Variants in TMPRSS15 observed in about 807,000 individuals in gnomAD.
The protein encoded by TMPRSS15 is enteropeptidase.
In TMPRSS15, 128 loss-of-function variants were observed where a neutral mutation model predicts 125.3. The observed-to-expected ratio is 1.02, with a 90% confidence interval of 0.89 to 1.18. The LOEUF (loss-of-function observed/expected upper bound fraction) is 1.18, where lower values mean the gene tolerates loss of function less well. Ranked by LOEUF, TMPRSS15 falls within the 50% of genes most tolerant of loss-of-function variation. The pLI is 0.00. For synonymous variants in TMPRSS15, 446 were observed against 423.2 expected, an observed-to-expected ratio of 1.05 and a Z score of -0.66; for missense variants, 1,283 against 1,212.7, an observed-to-expected ratio of 1.06 and a Z score of -0.86.
chr21:18,353,781 T>C lies in TMPRSS15; in HGVS notation c.963A>G (p.Glu321=). ...TTGCATTAAAGCCAACATAATCACT[T>C]TCATCAGATTCTATAAGAAAGGTGG... ...VTATFLIESD[E]SDYVGFNATY... The change falls in exon 9 of 25, where the codon GAA becomes GAG. Residue 321 remains glutamate (E), a synonymous_variant. Transcript: ENST00000284885. 6.2e-7 allele frequency: 1 copy of C among 1,611,904 alleles called. No homozygotes were observed. Among genetic ancestry groups the C allele is most frequent in the Non-Finnish European group, 8.5e-7 (1 of 1,178,500 alleles).
chr21:18,444,060 G>A (rs1418011711), intron 1 of TMPRSS15, among the ~76,000 whole-genome samples: 1 of 152,046 alleles, frequency 6.6e-6, no homozygotes, highest in African/African-American at 2.4e-5. Flanking sequence ...GGCAGGGTGG[G>A]TGAATCCACT....
rs1361139098 is a variant in TMPRSS15, at chr21:18,270,275, C to T, written c.2905-151G>A. On this transcript the variant is annotated intron_variant, in intron 24 of 24. Transcript: ENST00000284885. ...ATCTGTATATATTCTCACTTTCACT[C>T]TAAGTCAGGAATGAGAACCTCAGTA... 6.4e-6 allele frequency: 4 copies of T among 627,648 alleles called. No homozygotes were observed. The African/African-American group carries it at 7.4e-5, about 12-fold the overall frequency. 38.9% of individuals were successfully genotyped at this position (627,648 alleles called of 1,614,324 possible).
chr21:18,372,707 A>G (rs1284643749), intron 5 of TMPRSS15, among the ~76,000 whole-genome samples: 2 of 152,246 alleles, frequency 1.3e-5, no homozygotes, highest in African/African-American at 4.8e-5. Flanking sequence ...TGAACAATGA[A>G]GAAACCTAAT....
Position 18,310,635 on chromosome 21 carries a change from A to G in TMPRSS15, c.2165+2310T>C, listed in dbSNP as rs567495447. On this transcript the variant is annotated intron_variant, in intron 18 of 24. Coordinates refer to ENST00000284885, the MANE Select transcript of TMPRSS15 (RefSeq NM_002772.3). Reference sequence around the variant, plus strand: ...ATTGTTAAAATAACAATACTACCCAATCCCTATTTAATGATAGGGATTTAA... The same window carrying G: ...ATTGTTAAAATAACAATACTACCCAGTCCCTATTTAATGATAGGGATTTAA... Among the ~76,000 whole-genome samples, 4 of 152,184 alleles carry G rather than the reference A, an allele frequency of 2.6e-5. No homozygotes were observed. The South Asian group carries it at 6.2e-4, about 24-fold the overall frequency.
At chr21:18,350,748 T>TTA (rs1288912866) in intron 10 of TMPRSS15, among the ~76,000 whole-genome samples, 1 of 151,562 alleles carries the variant, frequency 6.6e-6, no homozygotes, top group African/African-American at 2.4e-5. Context: ...GAACAATTAA[T>TTA]TATATATATA....
At position 18,393,701 on chromosome 21, in the gene TMPRSS15, C is replaced by T. The variant is rs147259299; in HGVS notation, c.344+4178G>A. On this transcript the variant is annotated intron_variant, in intron 3 of 24. Coordinates refer to ENST00000284885, the MANE Select transcript of TMPRSS15 (RefSeq NM_002772.3). ...CCCCAACAATATTTTAAATTCCTCACAGCAGAGATTTTATACCTTAATCAT... is the reference window on the plus strand; with the variant it reads ...CCCCAACAATATTTTAAATTCCTCATAGCAGAGATTTTATACCTTAATCAT... 2.0e-3 allele frequency among the ~76,000 whole-genome samples: 299 copies of T among 152,308 alleles called. 1 individual carries two copies. The highest frequency in any genetic ancestry group is 6.8e-3 in the African/African-American group (284 of 41,572).
chr21:18,361,718 G>T (rs2075681239), intron 7 of TMPRSS15, among the ~76,000 whole-genome samples: 3 of 152,140 alleles, frequency 2.0e-5, no homozygotes. Flanking sequence ...GGCCAGTGGG[G>T]TGGAGTTCAG....
At chr21:18,304,514 G>A (rs893204636) in intron 18 of TMPRSS15, among the ~76,000 whole-genome samples, 1 of 152,118 alleles carries the variant, frequency 6.6e-6, no homozygotes, top group Admixed American at 6.6e-5. Context: ...TAGGAGGTTG[G>A]TAGTTGGCAA....
At chr21:18,374,166 A>C in intron 5 of TMPRSS15, among the ~76,000 whole-genome samples, 1 of 152,182 alleles carries the variant, frequency 6.6e-6, no homozygotes, top group South Asian at 2.1e-4. Context: ...GAATGTATTT[A>C]GTGATGTGTG....
Position 18,353,003 on chromosome 21 carries a change from G to T in TMPRSS15, c.1071C>A (p.Val357=). 2 of 1,611,274 alleles carry T rather than the reference G, an allele frequency of 1.2e-6. No individual in the cohort carries two copies. Among genetic ancestry groups the T allele is most frequent in the Non-Finnish European group, 1.7e-6 (2 of 1,178,792 alleles). Residue 357 remains valine, a synonymous_variant, in exon 10 of 25, where the codon GTC becomes GTA. Transcript: ENST00000284885. Reference sequence around the variant, plus strand: ...ATTCATTATCATCATTTAGATCCTGGACCCAGAAACAAAAGCCATCCTCAA... The same window carrying T: ...ATTCATTATCATCATTTAGATCCTGTACCCAGAAACAAAAGCCATCCTCAA... ...CNFEDGFCFW[V]QDLNDDNEWE...
At chr21:18,448,071 TA>T in intron 1 of TMPRSS15, among the ~76,000 whole-genome samples, 1 of 152,102 alleles carries the variant, frequency 6.6e-6, no homozygotes, top group East Asian at 1.9e-4. Flanking sequence ...TTCAAAAAAT[TA>T]AAAATATAAA....
At chr21:18,351,425 C>T (rs78407761) in intron 10 of TMPRSS15, among the ~76,000 whole-genome samples, 17,397 of 152,164 alleles carry the variant, frequency 0.11, 1,163 homozygotes, top group South Asian at 0.18. Flanking sequence ...TCTACATAGT[C>T]CCCATGTGCT....
chr21:18,329,214 C>T lies in TMPRSS15; in HGVS notation c.1735G>A (p.Val579Ile). The T allele has an allele frequency of 6.2e-7, 1 of 1,612,608 alleles. No individual in the cohort carries two copies. The highest frequency in any genetic ancestry group is 8.5e-7 in the Non-Finnish European group (1 of 1,179,010). Reference protein sequence around the residue: ...QEFDLENINDVVEIRDGEEAD... With the variant: ...QEFDLENINDIVEIRDGEEAD... ...TCTTCACCATCTCTTATTTCAACTA[C>T]ATCGTTAATATTTTCTAAGTCAAAT... is the stretch of plus-strand genomic sequence containing the variant. Residue 579 changes from valine (V) to isoleucine (I), a missense_variant, in exon 15 of 25, where the codon GTA becomes ATA. Val to Ile is a conservative substitution (Grantham distance 29, BLOSUM62 3). Transcript: ENST00000284885.
At chr21:18,393,312 T>A (rs1481559027) in intron 3 of TMPRSS15, among the ~76,000 whole-genome samples, 2 of 152,096 alleles carry the variant, frequency 1.3e-5, no homozygotes, top group Non-Finnish European at 2.9e-5. Context: ...AATAATTTGG[T>A]GATAATAATA....
intron 1 of TMPRSS15, among the ~76,000 whole-genome samples, chr21:18,468,790 T>C (rs1481310366): frequency 6.6e-6 from 1 of 152,172 alleles, no homozygotes; most frequent in Non-Finnish European, 1.5e-5. Flanking sequence ...CCCCTGCCTT[T>C]TAATTTACCC....
At chr21:18,465,590 A>C (rs1978643226) in intron 1 of TMPRSS15, among the ~76,000 whole-genome samples, 1 of 152,192 alleles carries the variant, frequency 6.6e-6, no homozygotes, top group Non-Finnish European at 1.5e-5. Flanking sequence ...TATGTGCAAA[A>C]ATCACAGGCA....
At chr21:18,314,497 T>A (rs574358152) in intron 17 of TMPRSS15, among the ~76,000 whole-genome samples, 2 of 152,070 alleles carry the variant, frequency 1.3e-5, no homozygotes, top group African/African-American at 4.8e-5. Flanking sequence ...AGGCTGGTCA[T>A]GAACTCCTGA....
At chr21:18,333,221 C>T (rs375850541) in intron 13 of TMPRSS15, among the ~76,000 whole-genome samples, 237 of 152,132 alleles carry the variant, frequency 1.6e-3, no homozygotes, top group Non-Finnish European at 2.7e-3. Flanking sequence ...TGTAACAAAC[C>T]TGCACTTGTT....
At chr21:18,476,654 A>G (rs1424666893) in intron 1 of TMPRSS15, among the ~76,000 whole-genome samples, 1 of 152,164 alleles carries the variant, frequency 6.6e-6, no homozygotes, top group African/African-American at 2.4e-5. Flanking sequence ...ATGGATTTCC[A>G]TATACCCATG....
Sources: allele counts gnomAD v4.1 joint callset (sites outside exome capture counted in the v4.1 genomes callset), GRCh38; gene constraint gnomAD v4.1.1; transcripts MANE v1.5; gene names NCBI Gene and HGNC (gene_info 2026-07-23, HGNC 2026-07-21).